Variants in PRDM11 observed in about 807,000 individuals in gnomAD.
The protein encoded by PRDM11 is PR domain-containing protein 11.
PRDM11 carries 20 observed loss-of-function variants against 97.8 expected under a neutral mutation model. The ratio of observed to expected loss-of-function variants is 0.20; its 90% CI spans 0.14 to 0.30. PRDM11 has a LOEUF of 0.30. Ranked by LOEUF, PRDM11 falls within the 10% of genes least tolerant of loss-of-function variation. PRDM11 has a pLI of 1.00. For missense variants in PRDM11, 1,139 were observed against 1,555.2 expected (o/e 0.73, Z 4.50); for synonymous variants, 599 against 637.7 (o/e 0.94, Z 0.91).
chr11:45,102,738 A>G (rs928663525), intron 1 of PRDM11, among the ~76,000 whole-genome samples: 1 of 152,162 alleles, frequency 6.6e-6, no homozygotes, highest in African/African-American at 2.4e-5. Context: ...GCCCTGGTGG[A>G]TGCTGGAAAC....
chr11:45,140,858 T>C (rs1851387402), intron 1 of PRDM11, among the ~76,000 whole-genome samples: 2 of 152,164 alleles, frequency 1.3e-5, no homozygotes, highest in South Asian at 2.1e-4. Context: ...ATCTCTTGAA[T>C]GATGATTGAA....
At chr11:45,180,505 C>T (rs1338259676) in intron 1 of PRDM11, among the ~76,000 whole-genome samples, 2 of 151,896 alleles carry the variant, frequency 1.3e-5, no homozygotes, top group African/African-American at 4.8e-5. Flanking sequence ...AATGCGTCCA[C>T]CGCCTGACCC....
At chr11:45,115,611 A>C (rs899838777) in intron 1 of PRDM11, among the ~76,000 whole-genome samples, 1 of 152,194 alleles carries the variant, frequency 6.6e-6, no homozygotes. Context: ...TAAGAAGACA[A>C]AAAGTTATAT....
At chr11:45,171,662 A>C (rs1037591650) in intron 1 of PRDM11, among the ~76,000 whole-genome samples, 2 of 152,118 alleles carry the variant, frequency 1.3e-5, no homozygotes, top group Admixed American at 6.5e-5. Flanking sequence ...GGGACTGGGG[A>C]TAGAGGGAAT....
At chr11:45,172,505 C>T (rs1221801517) in intron 1 of PRDM11, among the ~76,000 whole-genome samples, 1 of 152,122 alleles carries the variant, frequency 6.6e-6, no homozygotes, top group Non-Finnish European at 1.5e-5. Flanking sequence ...CAAAGACACT[C>T]CTATAACCCA....
At chr11:45,180,754 GCCCGCCCGCGCCCGC>G (rs1852460635) in intron 1 of PRDM11, among the ~76,000 whole-genome samples, 1 of 149,754 alleles carries the variant, frequency 6.7e-6, no homozygotes, top group Non-Finnish European at 1.5e-5. Flanking sequence ...GAGGGGGAGA[GCCCGCCCGCGCCCGC>G]CCCGGCCGCA....
In PRDM11 at chr11:45,232,000, T is replaced by A. The variant is rs1467955266; in HGVS notation, c.*3841T>A. 6.6e-6 allele frequency: 1 copy of A among 152,178 alleles called. No individual in the cohort carries two copies. Among genetic ancestry groups the A allele is most frequent in the Non-Finnish European group, 1.5e-5 (1 of 68,028 alleles). 9.4% of individuals were successfully genotyped at this position (152,178 alleles called of 1,614,324 possible). On this transcript the variant is annotated 3_prime_UTR_variant, in exon 8 of 8. Transcript: ENST00000683152. ...TGCTGGGCCCTGGAATCTATGGCAC[T>A]TGGGGGTCTCTGACCTCAGCCTCTG...
intron 1 of PRDM11, chr11:45,147,331 G>T (rs1456616884): frequency 1.3e-5 from 2 of 151,434 alleles, no homozygotes; most frequent in Non-Finnish European, 2.9e-5. Context: ...GGCTCGCCGC[G>T]GCCGCCGGCC....
intron 1 of PRDM11, among the ~76,000 whole-genome samples, chr11:45,112,356 G>C (rs1395558880): frequency 6.6e-6 from 1 of 152,226 alleles, no homozygotes; most frequent in Non-Finnish European, 1.5e-5. Context: ...GGGCACTTAG[G>C]TTGGCTCCAT....
intron 1 of PRDM11, among the ~76,000 whole-genome samples, chr11:45,111,864 C>A (rs1325116769): frequency 6.6e-6 from 1 of 152,128 alleles, no homozygotes; most frequent in Admixed American, 6.5e-5. Context: ...CACATTTGAT[C>A]CTGGTGATCA....
At chr11:45,094,192 A>G (rs549723284), upstream of PRDM11, among the ~76,000 whole-genome samples, 3 of 152,322 alleles carry the variant, frequency 2.0e-5, no homozygotes, top group East Asian at 5.8e-4. Flanking sequence ...CAGCTCAATG[A>G]ATGTGAGTCC....
chr11:45,123,571 A>G (rs1367926931), intron 1 of PRDM11, among the ~76,000 whole-genome samples: 1 of 152,164 alleles, frequency 6.6e-6, no homozygotes, highest in Admixed American at 6.5e-5. Flanking sequence ...ATGGCTAGCC[A>G]GTTTTCCCAG....
chr11:45,195,272 G>C (rs1853078036), intron 4 of PRDM11, among the ~76,000 whole-genome samples: 1 of 152,030 alleles, frequency 6.6e-6, no homozygotes, highest in African/African-American at 2.4e-5. Context: ...CAATGATTTT[G>C]ACTATATTCA....
intron 1 of PRDM11, among the ~76,000 whole-genome samples, chr11:45,123,016 CTTTT>C (rs1332216795): frequency 6.6e-6 from 1 of 152,024 alleles, no homozygotes; most frequent in African/African-American, 2.4e-5. Flanking sequence ...TGTTTCCTGA[CTTTT>C]TAATGATCGC....
intron 7 of PRDM11, chr11:45,225,173 T>G: frequency 7.7e-7 from 1 of 1,293,924 alleles, no homozygotes; most frequent in African/African-American, 1.5e-5. Context: ...AAACCCAGTC[T>G]TTCTCTGTCC....
chr11:45,213,253 G>C (rs1375698584), intron 5 of PRDM11: 1 of 456,552 alleles, frequency 2.2e-6, no homozygotes, highest in South Asian at 1.5e-5. Context: ...GGATGCTGAA[G>C]ATGCAAGAAA....
At chr11:45,194,486 A>G (rs1443180176) in intron 4 of PRDM11, among the ~76,000 whole-genome samples, 2 of 152,128 alleles carry the variant, frequency 1.3e-5, no homozygotes, top group African/African-American at 4.8e-5. Context: ...GGGTTGATGA[A>G]CAACAATAAC....
intron 5 of PRDM11, among the ~76,000 whole-genome samples, chr11:45,206,914 C>A (rs970334956): frequency 2.6e-5 from 4 of 152,220 alleles, no homozygotes; most frequent in African/African-American, 9.6e-5. Context: ...TGCTTGTGCA[C>A]AAGGGACCAG....
At chr11:45,186,283 C>T (rs1317193606) in intron 4 of PRDM11, among the ~76,000 whole-genome samples, 2 of 151,838 alleles carry the variant, frequency 1.3e-5, no homozygotes, top group Non-Finnish European at 2.9e-5. Flanking sequence ...GGCCTGAAAT[C>T]GAGGAGATCA....
Sources: gnomAD v4.1 joint callset for allele counts (sites outside exome capture counted in the v4.1 genomes callset) on GRCh38, gnomAD v4.1.1 for gene constraint, MANE v1.5 for transcripts, NCBI Gene and HGNC (gene_info 2026-07-23, HGNC 2026-07-21) for gene names.